KCNQ5: variants seen among roughly 807,000 people sequenced by gnomAD.
The protein encoded by KCNQ5 is potassium voltage-gated channel subfamily KQT member 5.
In KCNQ5, 30 loss-of-function variants were observed where a neutral mutation model predicts 98.2. The ratio of observed to expected loss-of-function variants is 0.31; its 90% CI spans 0.23 to 0.41. The LOEUF is 0.41. Ranked by LOEUF, KCNQ5 falls within the 10% of genes least tolerant of loss-of-function variation. The pLI is 1.00. For synonymous variants in KCNQ5, 458 were observed against 449.4 expected (o/e 1.02, Z -0.24); for missense variants, 835 against 1,182.5 (o/e 0.71, Z 4.31).
At chr6:72,887,147 G>C (rs933308909) in intron 1 of KCNQ5, among the ~76,000 whole-genome samples, 1 of 152,140 alleles carries the variant, frequency 6.6e-6, no homozygotes, top group Non-Finnish European at 1.5e-5. Flanking sequence ...AGATGTATTA[G>C]TCCATTTTTA....
intron 1 of KCNQ5, among the ~76,000 whole-genome samples, chr6:72,812,371 T>C (rs746501232): frequency 1.1e-4 from 17 of 152,184 alleles, no homozygotes; most frequent in Middle Eastern, 3.2e-3. Flanking sequence ...GACACTACAA[T>C]GCGTGGGCCA....
intron 1 of KCNQ5, among the ~76,000 whole-genome samples, chr6:72,632,388 G>A (rs12205254): frequency 8.6e-5 from 13 of 151,886 alleles, no homozygotes; most frequent in Admixed American, 6.5e-4. Flanking sequence ...TGATCCGCCC[G>A]CCTCAGCCTC....
chr6:72,722,528 A>G (rs112745735), intron 1 of KCNQ5, among the ~76,000 whole-genome samples: 1,754 of 152,294 alleles, frequency 0.012, 28 homozygotes, highest in African/African-American at 0.039. Flanking sequence ...GACTCTCCAA[A>G]TCTCATTGTC....
intron 1 of KCNQ5, among the ~76,000 whole-genome samples, chr6:72,770,990 G>T (rs185356682): frequency 2.0e-5 from 3 of 152,164 alleles, no homozygotes; most frequent in Non-Finnish European, 4.4e-5. Flanking sequence ...AGGGACCCTC[G>T]ATCTAGAAGG....
intron 5 of KCNQ5, among the ~76,000 whole-genome samples, chr6:73,088,015 C>CTG (rs1640493429): frequency 8.7e-6 from 1 of 114,486 alleles, no homozygotes. Context: ...CTTTTTCTCT[C>CTG]TCTCTCTCTT....
At chr6:72,760,800 G>A (rs1223787883) in intron 1 of KCNQ5, among the ~76,000 whole-genome samples, 1 of 152,116 alleles carries the variant, frequency 6.6e-6, no homozygotes, top group Non-Finnish European at 1.5e-5. Flanking sequence ...CTACTTATCT[G>A]AAGGAGAGAA....
chr6:72,826,538 G>A (rs1437274336), intron 1 of KCNQ5, among the ~76,000 whole-genome samples: 1 of 150,524 alleles, frequency 6.6e-6, no homozygotes, highest in Non-Finnish European at 1.5e-5. Flanking sequence ...TCTCCTATAG[G>A]TTCCTGCTAT....
In KCNQ5 at chr6:72,681,153, C is replaced by A. The variant is rs576079683; in HGVS notation, c.398+58566C>A. 1.2e-4 allele frequency among the ~76,000 whole-genome samples: 18 copies of A among 152,280 alleles called. No homozygotes were observed. The South Asian group carries it at 2.9e-3, about 25-fold the overall frequency. On this transcript the variant is annotated intron_variant, in intron 1 of 13. Transcript: ENST00000370398. The stretch of plus-strand genomic sequence containing the variant: ...GAGCTCTCTTATAGAGCACGCAGAT[C>A]CTGCATGTTTGGAAGTTACAACATT...
chr6:73,127,710 C>T (rs74575414), intron 9 of KCNQ5, among the ~76,000 whole-genome samples: 146 of 152,298 alleles, frequency 9.6e-4, no homozygotes, highest in Non-Finnish European at 1.4e-3. Flanking sequence ...AATTTGCCTA[C>T]GATGTCTTGG....
intron 2 of KCNQ5, among the ~76,000 whole-genome samples, chr6:73,014,300 C>G (rs1770217609): frequency 6.6e-6 from 1 of 151,998 alleles, no homozygotes; most frequent in Non-Finnish European, 1.5e-5. Flanking sequence ...AAAGAGAACT[C>G]CATTTGATGA....
Position 72,622,763 on chromosome 6 carries a change from A to T in KCNQ5, c.398+176A>T, listed in dbSNP as rs2098916056. Reference sequence around the variant, plus strand: ...GGAGCCTCTCCCCTCCCCCAGCCCCACTTCTCTCATCTCTACAGCTTGAAC... The same window carrying T: ...GGAGCCTCTCCCCTCCCCCAGCCCCTCTTCTCTCATCTCTACAGCTTGAAC... On this transcript the variant is annotated intron_variant, in intron 1 of 13. Transcript: ENST00000370398. This position sits in a 1 kb window ranked among gnomAD's most constrained non-coding sequence, Gnocchi z 6.0. 6.6e-6 allele frequency among the ~76,000 whole-genome samples: 1 copy of T among 151,624 alleles called. No individual in the cohort carries two copies. The highest frequency in any genetic ancestry group is 2.1e-4 in the South Asian group (1 of 4,800).
intron 1 of KCNQ5, among the ~76,000 whole-genome samples, chr6:72,751,817 C>T (rs1164238164): frequency 1.3e-5 from 2 of 152,026 alleles, no homozygotes; most frequent in Admixed American, 6.6e-5. Flanking sequence ...TTCATTATTA[C>T]TCGAATCACT....
chr6:72,934,581 T>C (rs1245851652), intron 1 of KCNQ5, among the ~76,000 whole-genome samples: 1 of 152,242 alleles, frequency 6.6e-6, no homozygotes, highest in African/African-American at 2.4e-5. Flanking sequence ...TTTGGCCTTT[T>C]GGCTGTTATA....
At chr6:72,655,023 T>TCTTTCTTTC (rs1766080224) in intron 1 of KCNQ5, among the ~76,000 whole-genome samples, 13 of 80,644 alleles carry the variant, frequency 1.6e-4, no homozygotes, top group African/African-American at 1.6e-3. Flanking sequence ...CCAAGGTCTG[T>TCTTTCTTTC]CTGTCTTTCT....
chr6:72,995,232 G>A (rs908765133), intron 1 of KCNQ5, among the ~76,000 whole-genome samples: 1 of 152,040 alleles, frequency 6.6e-6, no homozygotes, highest in African/African-American at 2.4e-5. Context: ...GCCAGGCATG[G>A]TGGTGCACGC....
chr6:73,165,318 T>C (rs1238380103), intron 10 of KCNQ5, among the ~76,000 whole-genome samples: 1 of 152,162 alleles, frequency 6.6e-6, no homozygotes, highest in East Asian at 1.9e-4. Flanking sequence ...TGTTATTCAA[T>C]ATTTCCTTTG....
chr6:73,151,628 A>G (rs950858354), intron 10 of KCNQ5, among the ~76,000 whole-genome samples: 137 of 152,328 alleles, frequency 9.0e-4, no homozygotes, highest in African/African-American at 3.3e-3. Context: ...TATTTTCCAC[A>G]AGGTAAATTG....
chr6:72,744,364 T>TATAGATGTG (rs1771272412), intron 1 of KCNQ5, among the ~76,000 whole-genome samples: 2 of 152,250 alleles, frequency 1.3e-5, no homozygotes, highest in Admixed American at 1.3e-4. Flanking sequence ...TACTATGAAT[T>TATAGATGTG]ATAGATGTGT....
At chr6:73,099,359 C>A (rs1023111833) in intron 5 of KCNQ5, among the ~76,000 whole-genome samples, 6 of 151,986 alleles carry the variant, frequency 3.9e-5, no homozygotes, top group African/African-American at 1.4e-4. Flanking sequence ...TCAAAAGACA[C>A]AGGATTGAAT....
Sources: gnomAD v4.1 joint callset for allele counts (sites outside exome capture counted in the v4.1 genomes callset) on GRCh38, gnomAD v4.1.1 for gene constraint, Gnocchi (gnomAD v3.1) non-coding constraint, MANE v1.5 for transcripts, NCBI Gene and HGNC (gene_info 2026-07-23, HGNC 2026-07-21) for gene names.